PARP1: variants seen among roughly 807,000 people sequenced by gnomAD.
The protein encoded by PARP1 is poly [ADP-ribose] polymerase 1.
A neutral mutation model predicts 118.7 loss-of-function variants in PARP1; 44 were observed. The ratio of observed to expected loss-of-function variants is 0.37; its 90% CI spans 0.29 to 0.48. The LOEUF is 0.48. Ranked by LOEUF, PARP1 falls within the 20% of genes least tolerant of loss-of-function variation. The pLI is 0.99. For synonymous variants in PARP1, 492 were observed against 483.2 expected (o/e 1.02, Z -0.24); for missense variants, 1,100 against 1,272.4 (o/e 0.86, Z 2.06).
chr1:226,364,687 G>A lies in PARP1; in HGVS notation c.2658+315C>T, dbSNP rs117949170. On this transcript the variant is annotated intron_variant, in intron 19 of 22. Transcript: ENST00000366794. ...CTGCTGAAGACACTGACACTCAGAG[G>A]TGGCCCGGCTGGGAAGTGGTAGAGA... Among the ~76,000 whole-genome samples the A allele has an allele frequency of 1.3e-3, 195 of 152,328 alleles. 3 individuals carry two copies. In the East Asian group the frequency reaches 0.026, roughly 20 times the overall value.
At chr1:226,396,520 T>C (rs767812953) in intron 2 of PARP1, among the ~76,000 whole-genome samples, 3 of 152,132 alleles carry the variant, frequency 2.0e-5, no homozygotes, top group South Asian at 2.1e-4. Flanking sequence ...GTATTTTCTA[T>C]GGAGATATCC....
chr1:226,379,347 G>A (rs2102734914), intron 11 of PARP1, 73 bp from the exon 12 acceptor site: 6 of 1,588,862 alleles, frequency 3.8e-6, no homozygotes, highest in Non-Finnish European at 5.2e-6. Flanking sequence ...GAAGGGATCT[G>A]CAGGCCTGAG....
intron 2 of PARP1, among the ~76,000 whole-genome samples, chr1:226,401,680 T>C (rs1474225091): frequency 2.0e-5 from 3 of 152,168 alleles, no homozygotes; most frequent in Non-Finnish European, 4.4e-5. Flanking sequence ...CTATTCTTCC[T>C]TAATCTTAAG....
chr1:226,407,203 C>A (rs1172890231), intron 1 of PARP1, among the ~76,000 whole-genome samples: 1 of 152,110 alleles, frequency 6.6e-6, no homozygotes, highest in African/African-American at 2.4e-5. Context: ...GAGAACGCGT[C>A]TGTGAATCTG....
Position 226,387,671 on chromosome 1 carries a change from CAAT to C in PARP1, c.717+982_717+984del, listed in dbSNP as rs892271833. Among the ~76,000 whole-genome samples, 115 of 152,254 alleles carry C rather than the reference CAAT, an allele frequency of 7.6e-4. 1 individual carries two copies. The highest frequency in any genetic ancestry group is 2.6e-3 in the African/African-American group (110 of 41,546). The stretch of plus-strand genomic sequence containing the variant: ...ACAGGGTTAAATGGAAGAAGTACAA[CAAT>C]GTCACCTGGGTGACCAAGGGGGGAG... On this transcript the variant is annotated intron_variant, in intron 5 of 22. Coordinates refer to ENST00000366794, the MANE Select transcript of PARP1 (RefSeq NM_001618.4).
chr1:226,394,225 C>T (rs542617716), intron 2 of PARP1, among the ~76,000 whole-genome samples: 6 of 152,250 alleles, frequency 3.9e-5, no homozygotes, highest in Middle Eastern at 3.4e-3. Context: ...AGCATGGTGG[C>T]GCACGCCTGT....
intron 3 of PARP1, 91 bp from the exon 4 acceptor site, chr1:226,390,715 C>T (rs1041221053): frequency 2.1e-5 from 26 of 1,249,174 alleles, no homozygotes; most frequent in Non-Finnish European, 2.9e-5. Flanking sequence ...CAGTGAGGAG[C>T]TGAGGGTCCA....
chr1:226,390,645 G>C (rs764727400), intron 3 of PARP1, 21 bp from the exon 4 acceptor site: 23 of 1,606,548 alleles, frequency 1.4e-5, no homozygotes, highest in South Asian at 7.7e-5. Context: ...AACCATATGT[G>C]GTACCAAGGG....
chr1:226,370,892 G>T (rs1331758258), intron 14 of PARP1: 2 of 286,296 alleles, frequency 7.0e-6, no homozygotes, highest in African/African-American at 2.2e-5. Context: ...GCCTTCCCTG[G>T]GGTCCCAGAG....
At chr1:226,371,707 A>G (rs746302594) in intron 14 of PARP1, among the ~76,000 whole-genome samples, 2 of 152,258 alleles carry the variant, frequency 1.3e-5, no homozygotes, top group African/African-American at 2.4e-5. Context: ...GCAATTCTCA[A>G]GAAGGAATCC....
intron 1 of PARP1, 67 bp downstream of exon 1, chr1:226,407,743 G>T: frequency 1.9e-6 from 2 of 1,062,288 alleles, no homozygotes; most frequent in Admixed American, 2.3e-5. Context: ...CCCTCCCCCA[G>T]CCTTCCCGGA....
At chr1:226,391,913 A>C (rs1383992466) in intron 3 of PARP1, among the ~76,000 whole-genome samples, 1 of 152,064 alleles carries the variant, frequency 6.6e-6, no homozygotes, top group Non-Finnish European at 1.5e-5. Context: ...AACACAGACA[A>C]ACAGTCTCTC....
intron 11 of PARP1, 114 bp from the exon 12 acceptor site, chr1:226,379,388 C>T: frequency 2.9e-6 from 4 of 1,384,140 alleles, no homozygotes; most frequent in Non-Finnish European, 4.1e-6. Context: ...CTACCACCAC[C>T]CTCGGGAGGC....
At chr1:226,389,797 C>T (rs1576399625) in intron 4 of PARP1, among the ~76,000 whole-genome samples, 1 of 152,190 alleles carries the variant, frequency 6.6e-6, no homozygotes, top group Admixed American at 6.5e-5. Flanking sequence ...GGCTCTGCCA[C>T]ACCACCCCTG....
At chr1:226,392,439 G>A in intron 2 of PARP1, 125 bp from the exon 3 acceptor site, 4 of 753,864 alleles carry the variant, frequency 5.3e-6, no homozygotes, top group Admixed American at 1.8e-5. Flanking sequence ...GGGAGACTAC[G>A]ATTGGTCCAT....
Position 226,372,991 on chromosome 1 carries a change from C to G in PARP1, c.2070+1235G>C, listed in dbSNP as rs150101191. ...TTTCAACAAGCACAGCGAACAAGCC[C>G]TGGCCATTTTTTAAACCCGTTAGAG... On this transcript the variant is annotated intron_variant, in intron 14 of 22. Transcript: ENST00000366794. 3.9e-3 allele frequency among the ~76,000 whole-genome samples: 589 copies of G among 152,314 alleles called. 5 individuals carry two copies. The highest frequency in any genetic ancestry group is 0.014 in the African/African-American group (568 of 41,554).
At chr1:226,369,803 A>C (rs3219112) in intron 15 of PARP1, among the ~76,000 whole-genome samples, 84,234 of 151,546 alleles carry the variant, frequency 0.56, 24,948 homozygotes, top group Middle Eastern at 0.67. Context: ...AAAAATACAA[A>C]AAAATTAGCC....
At chr1:226,404,265 A>C (rs1665094096) in intron 1 of PARP1, among the ~76,000 whole-genome samples, 1 of 152,236 alleles carries the variant, frequency 6.6e-6, no homozygotes, top group Non-Finnish European at 1.5e-5. Flanking sequence ...TAGAAGAGAC[A>C]ACAAATGGCA....
intron 2 of PARP1, among the ~76,000 whole-genome samples, chr1:226,394,125 G>A (rs1030314862): frequency 6.7e-6 from 1 of 150,194 alleles, no homozygotes; most frequent in Non-Finnish European, 1.5e-5. Flanking sequence ...GAGGCAGGAG[G>A]ATCACTTGAG....
Sources: gnomAD v4.1 joint callset for allele counts (sites outside exome capture counted in the v4.1 genomes callset) on GRCh38, gnomAD v4.1.1 for gene constraint, MANE v1.5 for transcripts, NCBI Gene and HGNC (gene_info 2026-07-23, HGNC 2026-07-21) for gene names.